The following CPED1 variants were observed in gnomAD, a reference collection of about 807,000 sequenced individuals.
CPED1 encodes cadherin like and PC-esterase domain containing 1.
In CPED1, 114 loss-of-function variants were observed where a neutral mutation model predicts 128.2. The ratio of observed to expected loss-of-function variants is 0.89; its 90% CI spans 0.76 to 1.04. The LOEUF is 1.04. CPED1 is among the 50% of genes least tolerant of loss of function. CPED1 has a pLI of 0.00. For synonymous variants in CPED1, 462 were observed against 426.7 expected (o/e 1.08, Z -1.02); for missense variants, 1,211 against 1,207.1 (o/e 1.00, Z -0.05).
chr7:121,133,915 CTT>C, intron 13 of CPED1, 22 bp downstream of exon 13: 1 of 1,343,876 alleles, frequency 7.4e-7, no homozygotes, highest in Non-Finnish European at 1.0e-6. Context: ...GATATTCCCA[CTT>C]ATTTCAACAT....
chr7:121,221,263 T>C (rs1033609324), intron 16 of CPED1, among the ~76,000 whole-genome samples: 10 of 152,132 alleles, frequency 6.6e-5, no homozygotes, highest in African/African-American at 2.4e-4. Flanking sequence ...GGTTTCCAGC[T>C]TCATCCATGT....
intron 16 of CPED1, among the ~76,000 whole-genome samples, chr7:121,175,329 C>A (rs1458057716): frequency 6.6e-6 from 1 of 152,068 alleles, no homozygotes; most frequent in Non-Finnish European, 1.5e-5. Flanking sequence ...TTTCCCCATT[C>A]AATATGATGT....
intron 22 of CPED1, among the ~76,000 whole-genome samples, chr7:121,272,842 C>A (rs2116758090): frequency 6.6e-6 from 1 of 152,124 alleles, no homozygotes; most frequent in Admixed American, 6.5e-5. Context: ...AAAAATAAAA[C>A]AACACCCCAA....
Position 121,294,806 on chromosome 7 carries a change from C to CAAAAAAAAAAAAAAA in CPED1, c.2869-632_2869-618dup, listed in dbSNP as rs752742828. ...GATGGAGTTACTTTAGCCTTCTAAGCAAAAAAAAAAAAAAAAGTCTAAAAC... is the reference window on the plus strand; with the variant it reads ...GATGGAGTTACTTTAGCCTTCTAAGCAAAAAAAAAAAAAAAAAAAAAAAAAAAAAAAGTCTAAAAC... On this transcript the variant is annotated intron_variant, in intron 22 of 22. Transcript: ENST00000310396. 1.4e-3 allele frequency among the ~76,000 whole-genome samples: 84 copies of CAAAAAAAAAAAAAAA among 61,384 alleles called. 1 individual carries two copies. Among genetic ancestry groups the CAAAAAAAAAAAAAAA allele is most frequent in the African/African-American group, 4.8e-3 (81 of 16,954 alleles). The allele number at this position is 61,384 out of a possible 152,430, so 40.3% of individuals were successfully genotyped here.
chr7:121,088,931 T>C (rs1283039576), intron 5 of CPED1, among the ~76,000 whole-genome samples: 1 of 152,152 alleles, frequency 6.6e-6, no homozygotes, highest in East Asian at 1.9e-4. Flanking sequence ...TAGATGTACC[T>C]GGCTAATGAT....
At chr7:121,091,064 G>A (rs1794561665) in intron 5 of CPED1, among the ~76,000 whole-genome samples, 1 of 152,066 alleles carries the variant, frequency 6.6e-6, no homozygotes, top group Non-Finnish European at 1.5e-5. Context: ...TTGTCTAGGT[G>A]TCATAAATCT....
At chr7:121,111,648 G>C (rs961553850) in intron 7 of CPED1, among the ~76,000 whole-genome samples, 6 of 152,174 alleles carry the variant, frequency 3.9e-5, no homozygotes, top group Non-Finnish European at 8.8e-5. Flanking sequence ...AGTTAGAGAA[G>C]TTTGAAACAA....
chr7:121,017,080 G>A, intron 3 of CPED1, among the ~76,000 whole-genome samples: 1 of 152,212 alleles, frequency 6.6e-6, no homozygotes, highest in South Asian at 2.1e-4. Flanking sequence ...CAGTGAAACT[G>A]TGAGCTACTT....
At chr7:121,023,243 C>G (rs1792488005) in intron 3 of CPED1, among the ~76,000 whole-genome samples, 1 of 152,066 alleles carries the variant, frequency 6.6e-6, no homozygotes. Flanking sequence ...TTCTGGGAGG[C>G]CCTGTAGTAG....
intron 16 of CPED1, among the ~76,000 whole-genome samples, chr7:121,177,077 T>C (rs575354937): frequency 2.2e-4 from 33 of 152,014 alleles, no homozygotes; most frequent in Non-Finnish European, 4.6e-4. Flanking sequence ...TTTTGGTATT[T>C]TGTTTGGTCT....
At chr7:121,013,808 T>C (rs1447041365) in intron 2 of CPED1, among the ~76,000 whole-genome samples, 2 of 152,230 alleles carry the variant, frequency 1.3e-5, no homozygotes, top group African/African-American at 2.4e-5. Flanking sequence ...CCTCAAAGGA[T>C]TTACAATCTA....
intron 16 of CPED1, among the ~76,000 whole-genome samples, chr7:121,228,985 T>C (rs1397185420): frequency 1.3e-5 from 2 of 151,690 alleles, no homozygotes; most frequent in East Asian, 1.9e-4. Context: ...AAAGAATGAG[T>C]GGGGGTAAGG....
intron 3 of CPED1, among the ~76,000 whole-genome samples, chr7:121,036,133 T>G (rs912674277): frequency 2.6e-5 from 4 of 152,186 alleles, no homozygotes; most frequent in African/African-American, 7.2e-5. Context: ...TTAAAAAAAT[T>G]TATTTCAATA....
chr7:121,292,776 C>T (rs1407895328), intron 22 of CPED1, among the ~76,000 whole-genome samples: 2 of 152,172 alleles, frequency 1.3e-5, no homozygotes, highest in Non-Finnish European at 1.5e-5. Flanking sequence ...AGTCAGGCCG[C>T]TCTTCTGCAA....
At chr7:121,122,356 G>T (rs577755519) in intron 7 of CPED1, among the ~76,000 whole-genome samples, 1 of 152,196 alleles carries the variant, frequency 6.6e-6, no homozygotes, top group South Asian at 2.1e-4. Context: ...GGCCAGGCTG[G>T]TCTCGAACTC....
Position 121,125,811 on chromosome 7 carries a change from T to C in CPED1, c.1062-9T>C, listed in dbSNP as rs1795488841. On this transcript the variant is annotated splice_polypyrimidine_tract_variant and intron_variant, in intron 8 of 22. Coordinates refer to ENST00000310396, the MANE Select transcript of CPED1 (RefSeq NM_024913.5). ...TTTACTTTTATGGTACCTTGTGTTT[T>C]CATTTTAGATGCAGATTCTGCTTTC... 1.2e-6 allele frequency: 2 copies of C among 1,605,132 alleles called. No homozygotes were observed. The highest frequency in any genetic ancestry group is 1.7e-6 in the Non-Finnish European group (2 of 1,172,326).
At chr7:120,994,660 T>TGTGTGTGTGTG (rs60506801) in intron 2 of CPED1, among the ~76,000 whole-genome samples, 14 of 127,322 alleles carry the variant, frequency 1.1e-4, no homozygotes, top group South Asian at 2.6e-4. Context: ...TGTGTGTGTG[T>TGTGTGTGTGTG]TGTTGTTGTT....
intron 9 of CPED1, among the ~76,000 whole-genome samples, chr7:121,126,534 A>T (rs1459082524): frequency 6.6e-6 from 1 of 152,158 alleles, no homozygotes; most frequent in Non-Finnish European, 1.5e-5. Flanking sequence ...CAGGGTGGGA[A>T]AAAAGGAAGA....
Position 121,244,328 on chromosome 7 carries a change from G to T in CPED1, c.2300G>T (p.Gly767Val), listed in dbSNP as rs1384932166. 6.2e-7 allele frequency: 1 copy of T among 1,614,096 alleles called. No individual in the cohort carries two copies. Among genetic ancestry groups the T allele is most frequent in the Admixed American group, 1.7e-5 (1 of 60,020 alleles). ...AAGCCTCAACTCCAGCAGTGCCTGG[G>T]AGGAAGGAAGGTAGGTTCTGGATCT... Reference protein sequence around the residue: ...LTKPQLQQCLGGRKILFIGDS... With the variant: ...LTKPQLQQCLVGRKILFIGDS... The change falls in exon 18 of 23, where the codon GGA becomes GTA. Residue 767 changes from glycine (G) to valine (V), a missense_variant. Physicochemically the swap from Gly to Val is moderately radical, Grantham distance 109 (BLOSUM62 -3). Transcript: ENST00000310396.
Sources: allele counts gnomAD v4.1 joint callset (sites outside exome capture counted in the v4.1 genomes callset), GRCh38; gene constraint gnomAD v4.1.1; transcripts MANE v1.5; gene names NCBI Gene and HGNC (gene_info 2026-07-23, HGNC 2026-07-21).